SNED1: variants seen among roughly 807,000 people sequenced by gnomAD.
The protein encoded by SNED1 is sushi, nidogen and EGF like domains 1.
In SNED1, 81 loss-of-function variants were observed where a neutral mutation model predicts 166.7. The ratio of observed to expected loss-of-function variants is 0.49; its 90% CI spans 0.41 to 0.58. The LOEUF (loss-of-function observed/expected upper bound fraction) is 0.58. SNED1 is among the 20% of genes least tolerant of loss of function. The pLI is 0.00. For missense variants in SNED1, 1,604 were observed against 2,000.2 expected (o/e 0.80, Z 3.78); for synonymous variants, 762 against 822.0 (o/e 0.93, Z 1.25).
intron 1 of SNED1, among the ~76,000 whole-genome samples, chr2:241,016,813 T>A (rs1348210570): frequency 1.3e-5 from 2 of 152,032 alleles, no homozygotes; most frequent in Non-Finnish European, 2.9e-5. Context: ...ATTTTCTATT[T>A]CCACTTACAT....
chr2:241,021,510 G>A (rs58441345), intron 1 of SNED1, among the ~76,000 whole-genome samples: 8,856 of 152,186 alleles, frequency 0.058, 605 homozygotes, highest in African/African-American at 0.17. Context: ...GGATTTGTCT[G>A]TTCTGGACAT....
In SNED1 at chr2:241,087,387, A is replaced by G; in HGVS notation, c.4122-5A>G. ...TGGTTTTACAAAGCTTTCTTGTGAC[A>G]ACAGGTATAAAAGAGTCTACCGAGT... On this transcript the variant is annotated splice_polypyrimidine_tract_variant and splice_region_variant and intron_variant, in intron 29 of 31. Transcript: ENST00000310397. 1 of 1,591,256 alleles carries G rather than the reference A, an allele frequency of 6.3e-7. No individual in the cohort carries two copies. Among genetic ancestry groups the G allele is most frequent in the Non-Finnish European group, 8.6e-7 (1 of 1,169,240 alleles).
intron 16 of SNED1, among the ~76,000 whole-genome samples, chr2:241,054,352 T>C (rs1458366801): frequency 1.3e-5 from 2 of 152,136 alleles, no homozygotes; most frequent in African/African-American, 4.8e-5. Context: ...GAAGACAGAC[T>C]AACACAGGAG....
intron 1 of SNED1, among the ~76,000 whole-genome samples, chr2:241,003,483 G>A (rs1406847808): frequency 6.6e-6 from 1 of 152,220 alleles, no homozygotes; most frequent in Non-Finnish European, 1.5e-5. Context: ...GCACATTTCT[G>A]CACCGTGTGT....
At chr2:241,063,021 T>C in intron 17 of SNED1, 117 bp downstream of exon 17, 3 of 637,906 alleles carry the variant, frequency 4.7e-6, no homozygotes, top group Non-Finnish European at 8.1e-6. Context: ...CACTGCATGC[T>C]TTCTCGGGCC....
chr2:241,012,638 C>T (rs2060446476), intron 1 of SNED1, among the ~76,000 whole-genome samples: 1 of 152,150 alleles, frequency 6.6e-6, no homozygotes, highest in South Asian at 2.1e-4. Context: ...CTTATTGAGA[C>T]AAAATTGACA....
Position 241,051,583 on chromosome 2 carries a change from T to C in SNED1, c.1736-161T>C, listed in dbSNP as rs2061841670. 9 of 495,554 alleles carry C rather than the reference T, an allele frequency of 1.8e-5. No homozygotes were observed. Among genetic ancestry groups the C allele is most frequent in the Non-Finnish European group, 2.8e-5 (8 of 286,674 alleles). The allele number at this position is 495,554 out of a possible 1,614,324, so 30.7% of individuals were successfully genotyped here. On this transcript the variant is annotated intron_variant, in intron 12 of 31. Transcript: ENST00000310397. The surrounding 1 kb of genome is among the most constrained non-coding windows in gnomAD (Gnocchi z 4.7). ...GTGAGCCCCACCCCAGCCCCCACCATGTGTGCGGACCTGCTTGGCCCCTGC... is the reference window on the plus strand; with the variant it reads ...GTGAGCCCCACCCCAGCCCCCACCACGTGTGCGGACCTGCTTGGCCCCTGC...
intron 4 of SNED1, 94 bp from the exon 5 acceptor site, chr2:241,036,696 G>A: frequency 6.5e-7 from 1 of 1,542,802 alleles, no homozygotes; most frequent in Non-Finnish European, 8.8e-7. Flanking sequence ...CGACCTTTTG[G>A]GTCAGGGGAG....
chr2:241,008,540 G>A (rs1410807759), intron 1 of SNED1, among the ~76,000 whole-genome samples: 2 of 152,194 alleles, frequency 1.3e-5, no homozygotes, highest in Admixed American at 6.5e-5. Context: ...TGGAAGGGTC[G>A]GGGCCTGGTC....
chr2:241,056,449 G>C (rs2062041815), intron 16 of SNED1, among the ~76,000 whole-genome samples: 1 of 150,138 alleles, frequency 6.7e-6, no homozygotes. Context: ...TAACAAAATG[G>C]ATACAACAAA....
At chr2:241,086,066 C>T (rs1364577824) in intron 29 of SNED1, among the ~76,000 whole-genome samples, 1 of 151,992 alleles carries the variant, frequency 6.6e-6, no homozygotes, top group African/African-American at 2.4e-5. Context: ...AGGGTTTCAC[C>T]ATGTTGGCCA....
At chr2:241,048,908 G>C in intron 10 of SNED1, 114 bp from the exon 11 acceptor site, 1 of 1,198,594 alleles carries the variant, frequency 8.3e-7, no homozygotes, top group Non-Finnish European at 1.2e-6. Flanking sequence ...GGCCACAAGA[G>C]TGCCTGAACC....
chr2:241,057,380 AATAT>A (rs57902432), intron 16 of SNED1, among the ~76,000 whole-genome samples: 4,856 of 117,992 alleles, frequency 0.041, 219 homozygotes, highest in African/African-American at 0.1. Context: ...TCCATCTCAA[AATAT>A]ATATATATAT....
intron 1 of SNED1, among the ~76,000 whole-genome samples, chr2:241,008,624 A>G (rs1574847202): frequency 6.6e-6 from 1 of 152,242 alleles, no homozygotes; most frequent in East Asian, 1.9e-4. Context: ...CTCAACACCT[A>G]GGTGCCTTGG....
intron 2 of SNED1, among the ~76,000 whole-genome samples, chr2:241,033,004 A>G (rs770332049): frequency 6.6e-6 from 1 of 152,206 alleles, no homozygotes; most frequent in Non-Finnish European, 1.5e-5. Flanking sequence ...TTTGCAGTCA[A>G]ATGTTTAATT....
At chr2:241,048,635 G>A in intron 9 of SNED1, 27 bp from the exon 10 acceptor site, 1 of 1,582,424 alleles carries the variant, frequency 6.3e-7, no homozygotes. Flanking sequence ...CCCCCACATG[G>A]GAGGCTCCTC....
In SNED1 at chr2:241,064,788, G is replaced by T; in HGVS notation, c.2600-56G>T. 7.7e-7 allele frequency: 1 copy of T among 1,304,192 alleles called. No individual in the cohort carries two copies. The highest frequency in any genetic ancestry group is 1.0e-6 in the Non-Finnish European group (1 of 960,318). 80.8% of individuals were successfully genotyped at this position (1,304,192 alleles called of 1,614,324 possible). A position where few individuals can be genotyped will look rare whatever the true frequency, so the allele number is the denominator to read the frequency against. Reference sequence around the variant, plus strand: ...GTGCCCCAGGAGCAAGGGCGGGGCTGGAGCAGGGACCCCTGGCCACGCCCC... The same window carrying T: ...GTGCCCCAGGAGCAAGGGCGGGGCTTGAGCAGGGACCCCTGGCCACGCCCC... On this transcript the variant is annotated intron_variant, in intron 19 of 31. Coordinates refer to ENST00000310397, the MANE Select transcript of SNED1 (RefSeq NM_001080437.3). The surrounding 1 kb of genome is among the most constrained non-coding windows in gnomAD (Gnocchi z 7.0).
chr2:241,032,965 T>C (rs1413986611), intron 2 of SNED1, among the ~76,000 whole-genome samples: 2 of 152,244 alleles, frequency 1.3e-5, no homozygotes, highest in Non-Finnish European at 2.9e-5. Flanking sequence ...AATTTGATCT[T>C]ATGGATTTTT....
Position 241,068,068 on chromosome 2 carries a change from C to A in SNED1, c.3194+121C>A. On this transcript the variant is annotated intron_variant, in intron 22 of 31. Transcript: ENST00000310397. This position sits in a 1 kb window ranked among gnomAD's most constrained non-coding sequence, Gnocchi z 5.3. ...GGACTGTACCACCTGCCGCTCCTCA[C>A]CTGAGCGGAGACAAAGGTCTCAGGT... is the stretch of plus-strand genomic sequence containing the variant. The A allele has an allele frequency of 1.1e-6, 1 of 947,192 alleles. No homozygotes were observed. The highest frequency in any genetic ancestry group is 1.6e-6 in the Non-Finnish European group (1 of 641,222). The allele number at this position is 947,192 out of a possible 1,614,324, so 58.7% of individuals were successfully genotyped here.
Sources: allele counts gnomAD v4.1 joint callset (sites outside exome capture counted in the v4.1 genomes callset), GRCh38; gene constraint gnomAD v4.1.1; non-coding constraint Gnocchi (gnomAD v3.1); transcripts MANE v1.5; gene names NCBI Gene and HGNC (gene_info 2026-07-23, HGNC 2026-07-21).